Variants in IFT74 observed in about 807,000 individuals in gnomAD.
The protein encoded by IFT74 is intraflagellar transport protein 74 homolog.
IFT74 carries 92 observed loss-of-function variants against 96.7 expected under a neutral mutation model. That is an observed-to-expected ratio of 0.95 (90% CI 0.80 to 1.13). The LOEUF (loss-of-function observed/expected upper bound fraction) is 1.13. IFT74 is among the 50% of genes most tolerant of loss of function. IFT74 has a pLI of 0.00. For missense variants in IFT74, 811 were observed against 698.2 expected (o/e 1.16, Z -1.82); for synonymous variants, 223 against 213.2 (o/e 1.05, Z -0.40).
At chr9:26,982,773 T>G (rs1187592719) in intron 4 of IFT74, among the ~76,000 whole-genome samples, 2 of 152,002 alleles carry the variant, frequency 1.3e-5, no homozygotes, top group African/African-American at 4.8e-5. Flanking sequence ...GTATTTTTAG[T>G]AGAGATGGGG....
rs1820489179 is a variant in IFT74 at position 27,062,850 on chromosome 9, A to G, written c.*114A>G. 3.1e-6 allele frequency: 2 copies of G among 655,296 alleles called. No individual in the cohort carries two copies. The highest frequency in any genetic ancestry group is 5.4e-6 in the Non-Finnish European group (2 of 371,388). 40.6% of individuals were successfully genotyped at this position (655,296 alleles called of 1,614,324 possible). Reference sequence around the variant, plus strand: ...TTTGGAGTTTACCTAAAATTTCTGAATGTTATAATTTTTGTGGCCTCTTTT... The same window carrying G: ...TTTGGAGTTTACCTAAAATTTCTGAGTGTTATAATTTTTGTGGCCTCTTTT... On this transcript the variant is annotated 3_prime_UTR_variant, in exon 20 of 20. Coordinates refer to ENST00000380062, the MANE Select transcript of IFT74 (RefSeq NM_025103.4).
intron 2 of IFT74, among the ~76,000 whole-genome samples, chr9:26,975,267 T>G (rs535446327): frequency 6.6e-6 from 1 of 152,140 alleles, no homozygotes; most frequent in African/African-American, 2.4e-5. Flanking sequence ...GGTTTCTGGC[T>G]TGTTCCCTCT....
intron 13 of IFT74, among the ~76,000 whole-genome samples, chr9:27,038,020 G>A (rs1307323302): frequency 1.3e-5 from 2 of 152,214 alleles, no homozygotes; most frequent in East Asian, 3.9e-4. Flanking sequence ...TGCATTAAAT[G>A]ACTTACACCC....
chr9:27,008,981 C>T (rs1468172003), intron 8 of IFT74, 39 bp from the exon 9 acceptor site: 1 of 1,524,374 alleles, frequency 6.6e-7, no homozygotes, highest in Non-Finnish European at 9.0e-7. Flanking sequence ...ATTTTTTCCT[C>T]AATATAGTAT....
intron 8 of IFT74, among the ~76,000 whole-genome samples, chr9:26,991,447 T>C (rs985361774): frequency 3.3e-5 from 5 of 152,134 alleles, no homozygotes; most frequent in African/African-American, 1.2e-4. Flanking sequence ...CTCAAACTCC[T>C]GGTCTCAAGC....
chr9:27,016,777 T>G, intron 10 of IFT74, 130 bp from the exon 11 acceptor site: 3 of 593,802 alleles, frequency 5.1e-6, no homozygotes, highest in Non-Finnish European at 5.7e-6. Context: ...TGAGTACTAA[T>G]GATATTTGCT....
Position 26,984,076 on chromosome 9 carries a change from AC to A in IFT74, c.306-178del. The A allele has an allele frequency of 6.9e-6, 3 of 433,268 alleles. No individual in the cohort carries two copies. In the South Asian group the frequency reaches 8.3e-5, roughly 12 times the overall value. The allele number at this position is 433,268 out of a possible 1,614,324, so 26.8% of individuals were successfully genotyped here. On this transcript the variant is annotated intron_variant, in intron 4 of 19. Coordinates refer to ENST00000380062, the MANE Select transcript of IFT74 (RefSeq NM_025103.4). ...TGGGATTACAGGCTTGACCCACCGC[AC>A]CCAGCCAGAATATACCTCATTCTTA... is the stretch of plus-strand genomic sequence containing the variant.
chr9:27,026,410 C>T (rs1271616009), intron 12 of IFT74, among the ~76,000 whole-genome samples: 1 of 152,118 alleles, frequency 6.6e-6, no homozygotes, highest in Non-Finnish European at 1.5e-5. Context: ...CCATTGACAG[C>T]ACTAGACGGG....
At chr9:26,976,428 T>G (rs889788619) in intron 2 of IFT74, 6 of 179,780 alleles carry the variant, frequency 3.3e-5, no homozygotes, top group Non-Finnish European at 7.0e-5. Context: ...CTTTTATTCC[T>G]AATGTGACTC....
chr9:26,989,410 A>C (rs936510705), intron 7 of IFT74, among the ~76,000 whole-genome samples: 3 of 152,216 alleles, frequency 2.0e-5, no homozygotes, highest in Non-Finnish European at 4.4e-5. Context: ...GTTTGGTAGA[A>C]AACAATAAAA....
At chr9:26,987,865 C>T (rs747091366) in intron 6 of IFT74, among the ~76,000 whole-genome samples, 2 of 152,114 alleles carry the variant, frequency 1.3e-5, no homozygotes, top group Non-Finnish European at 2.9e-5. Flanking sequence ...TCCATCTGTG[C>T]AAGCCCTGTT....
chr9:26,964,884 A>C (rs1468909596), intron 2 of IFT74, among the ~76,000 whole-genome samples: 2 of 152,200 alleles, frequency 1.3e-5, no homozygotes, highest in Non-Finnish European at 2.9e-5. Context: ...AATATAAGAG[A>C]GTGTGTCATA....
chr9:27,012,708 G>GTT lies in IFT74; in HGVS notation c.789+766_789+767dup, dbSNP rs772920018. Among the ~76,000 whole-genome samples, 66 of 53,874 alleles carry GTT rather than the reference G, an allele frequency of 1.2e-3. 7 individuals carry two copies. Among genetic ancestry groups the GTT allele is most frequent in the Non-Finnish European group, 1.4e-3 (44 of 31,076 alleles). 35.3% of individuals were successfully genotyped at this position (53,874 alleles called of 152,430 possible). On this transcript the variant is annotated intron_variant, in intron 10 of 19. Coordinates refer to ENST00000380062, the MANE Select transcript of IFT74 (RefSeq NM_025103.4). The stretch of plus-strand genomic sequence containing the variant: ...GAACAAGAGGAAAGTAAAAATGTCT[G>GTT]TTTTTTTTTTTTTTTTTTTTTTTTT...
At chr9:27,055,915 A>G (rs1170429038) in intron 17 of IFT74, 143 bp downstream of exon 17, 4 of 593,626 alleles carry the variant, frequency 6.7e-6, no homozygotes, top group Non-Finnish European at 1.0e-5. Flanking sequence ...AAATGTTTAC[A>G]TATGTAGTTG....
intron 10 of IFT74, among the ~76,000 whole-genome samples, chr9:27,012,714 T>G (rs796911709): frequency 6.1e-4 from 70 of 114,974 alleles, no homozygotes; most frequent in African/African-American, 1.8e-3. Flanking sequence ...GTCTGTTTTT[T>G]TTTTTTTTTT....
chr9:26,977,633 C>T (rs184168080), intron 2 of IFT74, among the ~76,000 whole-genome samples: 61 of 152,164 alleles, frequency 4.0e-4, no homozygotes, highest in African/African-American at 1.1e-3. Flanking sequence ...GGATTACAGA[C>T]GTGTGCCACC....
rs1001765426 is a variant in IFT74, at chr9:27,064,637, C to G, written c.*1901C>G. Among the ~76,000 whole-genome samples, 7 of 152,028 alleles carry G rather than the reference C, an allele frequency of 4.6e-5. No individual in the cohort carries two copies. The highest frequency in any genetic ancestry group is 1.4e-4 in the African/African-American group (6 of 41,414). On this transcript the variant is annotated 3_prime_UTR_variant, in exon 20 of 20. Coordinates refer to ENST00000380062, the MANE Select transcript of IFT74 (RefSeq NM_025103.4). ...TCTCTTAATCACATTGATTCTATTT[C>G]GTGGATACTTCCAAGGAGGAAGGGA...
At chr9:27,020,066 C>T (rs767989956) in intron 12 of IFT74, among the ~76,000 whole-genome samples, 17 of 151,574 alleles carry the variant, frequency 1.1e-4, no homozygotes, top group Non-Finnish European at 2.1e-4. Flanking sequence ...ACCTCCACAT[C>T]CTGGGTTCAA....
intron 13 of IFT74, among the ~76,000 whole-genome samples, chr9:27,035,970 A>T (rs190142924): frequency 2.0e-4 from 31 of 152,358 alleles, no homozygotes; most frequent in African/African-American, 7.5e-4. Context: ...AAACTTAATT[A>T]TCAAAGGTCT....
Sources: allele counts gnomAD v4.1 joint callset (sites outside exome capture counted in the v4.1 genomes callset), GRCh38; gene constraint gnomAD v4.1.1; transcripts MANE v1.5; gene names NCBI Gene and HGNC (gene_info 2026-07-23, HGNC 2026-07-21).